Variants in MRPL4 observed in about 807,000 individuals in gnomAD.
The protein encoded by MRPL4 is large ribosomal subunit protein uL4m.
MRPL4 carries 34 observed loss-of-function variants against 34.1 expected under a neutral mutation model. That is an observed-to-expected ratio of 1.00 (90% CI 0.76 to 1.33). MRPL4 has a LOEUF of 1.33. Ranked by LOEUF, MRPL4 falls within the 40% of genes most tolerant of loss-of-function variation. The probability of loss-of-function intolerance (pLI) is 0.00; values close to 1 mark genes in which losing one functional copy is unlikely to be tolerated. For synonymous variants in MRPL4, 196 were observed against 188.3 expected, an observed-to-expected ratio of 1.04 and a Z score of -0.33; for missense variants, 402 against 434.6, an observed-to-expected ratio of 0.92 and a Z score of 0.67.
chr19:10,252,103 T>C, upstream of MRPL4: 1 of 921,814 alleles, frequency 1.1e-6, no homozygotes. Flanking sequence ...GCACGCCGGG[T>C]CGGACCCCCT....
At position 10,259,876 on chromosome 19, in the gene MRPL4, C is replaced by A; in HGVS notation, c.*63C>A. The A allele has an allele frequency of 7.0e-7, 1 of 1,430,354 alleles. No individual in the cohort carries two copies. The highest frequency in any genetic ancestry group is 9.6e-7 in the Non-Finnish European group (1 of 1,047,012). The allele number at this position is 1,430,354 out of a possible 1,614,324, so 88.6% of individuals were successfully genotyped here. ...CCGACTTGGGAGCCTCAGGCCCACG[C>A]CCACCCTTCGAGGAAGGTGTCACCT... is the stretch of plus-strand genomic sequence containing the variant. On this transcript the variant is annotated 3_prime_UTR_variant, in exon 9 of 9. Transcript: ENST00000253099.
intron 3 of MRPL4, among the ~76,000 whole-genome samples, chr19:10,254,342 C>A (rs147815849): frequency 6.6e-6 from 1 of 152,182 alleles, no homozygotes; most frequent in Admixed American, 6.5e-5. Context: ...TTAGAAGGTA[C>A]CTTTCAGCAG....
intron 8 of MRPL4, chr19:10,259,205 C>T: frequency 7.6e-7 from 1 of 1,316,216 alleles, no homozygotes; most frequent in Non-Finnish European, 9.6e-7. Flanking sequence ...AAGTCAAGTC[C>T]TGTCCCTCAA....
At chr19:10,252,865 G>T (rs1359671738) in intron 3 of MRPL4, 164 bp downstream of exon 3, 8 of 1,067,180 alleles carry the variant, frequency 7.5e-6, no homozygotes, top group South Asian at 3.3e-5. Context: ...CCCTGCTGTA[G>T]CGCTGTGTGA....
intron 3 of MRPL4, 124 bp from the exon 4 acceptor site, chr19:10,254,465 G>A: frequency 1.9e-6 from 2 of 1,080,642 alleles, no homozygotes; most frequent in Non-Finnish European, 2.8e-6. Flanking sequence ...GATGGGGTCA[G>A]TGAGGGGCAG....
chr19:10,259,228 G>A lies in MRPL4; in HGVS notation c.740-389G>A, dbSNP rs987131607. 34 of 1,291,802 alleles carry A rather than the reference G, an allele frequency of 2.6e-5. 1 individual carries two copies. The highest frequency in any genetic ancestry group is 6.3e-5 in the East Asian group (2 of 31,524). The allele number at this position is 1,291,802 out of a possible 1,614,324, so 80.0% of individuals were successfully genotyped here. On this transcript the variant is annotated intron_variant, in intron 8 of 8. Transcript: ENST00000253099. ...TCCTGTCCCTCAACCCACGCCCCTCGCTGGCTTCCCCACCTCTCTCAGGAT... is the reference window on the plus strand; with the variant it reads ...TCCTGTCCCTCAACCCACGCCCCTCACTGGCTTCCCCACCTCTCTCAGGAT...
At chr19:10,256,601 C>T (rs1035592583) in intron 4 of MRPL4, 107 bp from the exon 5 acceptor site, 2 of 859,786 alleles carry the variant, frequency 2.3e-6, no homozygotes, top group African/African-American at 1.7e-5. Context: ...CAGAGAGAGC[C>T]CGTCATCATG....
chr19:10,257,438 A>G (rs1303220663), intron 5 of MRPL4, among the ~76,000 whole-genome samples: 1 of 152,100 alleles, frequency 6.6e-6, no homozygotes, highest in East Asian at 1.9e-4. Flanking sequence ...TCCTCCAGGA[A>G]GCCCCCCTTG....
intron 3 of MRPL4, 90 bp downstream of exon 3, chr19:10,252,791 G>A (rs2039807643): frequency 6.7e-7 from 1 of 1,488,846 alleles, no homozygotes; most frequent in Non-Finnish European, 9.0e-7. Flanking sequence ...TGTACCCTTG[G>A]GAAAGTGCTG....
At position 10,252,562 on chromosome 19, in the gene MRPL4, C is replaced by G. The variant is rs1568282884; in HGVS notation, c.136C>G (p.Pro46Ala). ...CGCAATCGCTCCAGGTCTCCCGGAG[C>G]CCGTGCTGCGCAAAGTCGAGCTCCC... The part of the protein sequence containing the change: ...EQVASEGLPE[P>A]VLRKVELPVP... Residue 46 changes from proline to alanine, a missense_variant, in exon 3 of 9, where the codon CCC becomes GCC. Physicochemically the swap from Pro to Ala is conservative, Grantham distance 27. Coordinates refer to ENST00000253099, the MANE Select transcript of MRPL4 (RefSeq NM_015956.3). The G allele has an allele frequency of 6.2e-7, 1 of 1,613,124 alleles. No individual in the cohort carries two copies. Among genetic ancestry groups the G allele is most frequent in the Non-Finnish European group, 8.5e-7 (1 of 1,179,556 alleles).
At chr19:10,259,018 G>C (rs917618205) in intron 8 of MRPL4, 2 of 1,395,230 alleles carry the variant, frequency 1.4e-6, no homozygotes, top group Non-Finnish European at 1.9e-6. Flanking sequence ...CGGATAGCTT[G>C]AGCTCAGGGG....
At chr19:10,252,177 G>T, upstream of MRPL4, 1 of 1,463,348 alleles carries the variant, frequency 6.8e-7, no homozygotes, top group Non-Finnish European at 9.1e-7. Flanking sequence ...GCGGCGTCGC[G>T]TGCGTGACGT....
chr19:10,253,444 A>C (rs1364540863), intron 3 of MRPL4, among the ~76,000 whole-genome samples: 1 of 133,394 alleles, frequency 7.5e-6, no homozygotes, highest in Non-Finnish European at 1.5e-5. Flanking sequence ...GCGCCACTGC[A>C]CTCCATCCTG....
Position 10,252,295 on chromosome 19 carries a change from G to C in MRPL4, c.42G>C (p.Arg14=). ...FVRAGARAWL[R]PTGSQGLSSL... ...GGGCCGGGGCGCGGGCCTGGCTTCG[G>C]CCTACCGGCAGCCAGGTGAGGCCAG... Residue 14 remains arginine, a synonymous_variant, in exon 1 of 9, where the codon CGG becomes CGC. Coordinates refer to ENST00000253099, the MANE Select transcript of MRPL4 (RefSeq NM_015956.3). The C allele has an allele frequency of 6.2e-7, 1 of 1,610,044 alleles. No individual in the cohort carries two copies. Among genetic ancestry groups the C allele is most frequent in the South Asian group, 1.1e-5 (1 of 90,988 alleles).
At chr19:10,255,102 C>T (rs1038101868) in intron 4 of MRPL4, 1 of 155,132 alleles carries the variant, frequency 6.4e-6, no homozygotes, top group Non-Finnish European at 1.4e-5. Context: ...CCGTGCCCAG[C>T]TCATTTTCAG....
chr19:10,256,943 C>G (rs775061532), intron 5 of MRPL4, 118 bp downstream of exon 5: 7 of 831,666 alleles, frequency 8.4e-6, no homozygotes, highest in African/African-American at 1.8e-5. Context: ...CTGTTCCCTC[C>G]ACCTCATGGA....
Position 10,252,442 on chromosome 19 carries a change from C to A in MRPL4, c.103C>A (p.Pro35Thr). The change falls in exon 2 of 9, where the codon CCG (proline) becomes ACG (threonine). Residue 35 changes from proline (P) to threonine (T), a missense_variant. By Grantham distance (38) the Pro-to-Thr change is conservative. Coordinates refer to ENST00000253099, the MANE Select transcript of MRPL4 (RefSeq NM_015956.3). ...AGAGGCAGCGCGTGCGACCGAGAAC[C>A]CGGAGCAGGTGGCGAGCGAGGGTAA... Reference protein sequence around the residue: ...AEEAARATENPEQVASEGLPE... With the variant: ...AEEAARATENTEQVASEGLPE... 1.9e-6 allele frequency: 3 copies of A among 1,614,070 alleles called. No homozygotes were observed. Among genetic ancestry groups the A allele is most frequent in the Non-Finnish European group, 1.7e-6 (2 of 1,179,964 alleles).
At chr19:10,257,221 C>T (rs2039860736) in intron 5 of MRPL4, among the ~76,000 whole-genome samples, 1 of 152,184 alleles carries the variant, frequency 6.6e-6, no homozygotes, top group South Asian at 2.1e-4. Context: ...TCATTGTGGG[C>T]CCTGGTGGCT....
chr19:10,258,243 G>A lies in MRPL4; in HGVS notation c.467G>A (p.Arg156Gln), dbSNP rs148608571. 134 of 1,613,696 alleles carry A rather than the reference G, an allele frequency of 8.3e-5. No homozygotes were observed. The Admixed American group carries it at 1.3e-3, about 15-fold the overall frequency. Residue 156 changes from arginine to glutamine, a missense_variant, in exon 6 of 9, where the codon CGG becomes CAG. Arg to Gln is a conservative substitution (Grantham distance 43). Coordinates refer to ENST00000253099, the MANE Select transcript of MRPL4 (RefSeq NM_015956.3). ...WRGGGVAHGPRGPTSYYYMLP... is the reference protein window; with the variant it reads ...WRGGGVAHGPQGPTSYYYMLP... Reference sequence around the variant, plus strand: ...GCAGGAGGTGTTGCCCATGGCCCCCGGGGCCCCACAAGTTACTACTACATG... The same window carrying A: ...GCAGGAGGTGTTGCCCATGGCCCCCAGGGCCCCACAAGTTACTACTACATG...
Sources: gnomAD v4.1 joint callset for allele counts (sites outside exome capture counted in the v4.1 genomes callset) on GRCh38, gnomAD v4.1.1 for gene constraint, MANE v1.5 for transcripts, NCBI Gene and HGNC (gene_info 2026-07-23, HGNC 2026-07-21) for gene names.